SPATA31H1: variants seen among roughly 807,000 people sequenced by gnomAD.
SPATA31H1 encodes spermatogenesis-associated protein 31H1.
the SPATA31H1 span, chr2:27,579,696 G>A: frequency 6.2e-7 from 1 of 1,614,172 alleles, no homozygotes; most frequent in Admixed American, 1.7e-5. Context: ...CGATAGAGAA[G>A]ATCTTGTTCC....
chr2:27,577,418 G>C, the SPATA31H1 span: 1 of 1,614,050 alleles, frequency 6.2e-7, no homozygotes, highest in East Asian at 2.2e-5. The surrounding 1 kb of genome is among the most constrained non-coding windows in gnomAD (Gnocchi z 4.5). Flanking sequence ...TGACCGCTGA[G>C]GCAAGGATAC....
At chr2:27,559,567 T>C in the SPATA31H1 span, among the ~76,000 whole-genome samples, 1 of 152,244 alleles carries the variant, frequency 6.6e-6, no homozygotes, top group South Asian at 2.1e-4. Context: ...AAACCATTAC[T>C]ATAAATTGAA....
At chr2:27,567,565 A>G in the SPATA31H1 span, 1 of 402,844 alleles carries the variant, frequency 2.5e-6, no homozygotes, top group Non-Finnish European at 4.4e-6. Context: ...CTTATCTCAG[A>G]TAAGCAGTTA....
the SPATA31H1 span, among the ~76,000 whole-genome samples, chr2:27,559,808 ATAAC>A: frequency 6.6e-6 from 1 of 152,094 alleles, no homozygotes; most frequent in Non-Finnish European, 1.5e-5. Flanking sequence ...AATCTGCTAG[ATAAC>A]TTTTTATGGG....
At chr2:27,582,026 G>T in the SPATA31H1 span, 2 of 1,600,408 alleles carry the variant, frequency 1.2e-6, no homozygotes, top group Non-Finnish European at 1.7e-6. Context: ...ACAGTCTCTT[G>T]GAGAGGAGCC....
the SPATA31H1 span, among the ~76,000 whole-genome samples, chr2:27,549,402 A>G: frequency 6.6e-6 from 1 of 151,770 alleles, no homozygotes; most frequent in Non-Finnish European, 1.5e-5. Context: ...GCAGTGGCAC[A>G]ATCATAGTCA....
At chr2:27,552,933 GT>G in the SPATA31H1 span, among the ~76,000 whole-genome samples, 1 of 152,048 alleles carries the variant, frequency 6.6e-6, no homozygotes, top group Admixed American at 6.6e-5. Flanking sequence ...TGTGAACACA[GT>G]TTTACTTGTT....
the SPATA31H1 span, among the ~76,000 whole-genome samples, chr2:27,555,072 G>A: frequency 6.6e-6 from 1 of 151,936 alleles, no homozygotes; most frequent in African/African-American, 2.4e-5. Flanking sequence ...TTCTATTCCT[G>A]TTTGGTTGAG....
the SPATA31H1 span, chr2:27,582,295 C>T: frequency 1.2e-6 from 2 of 1,610,002 alleles, no homozygotes; most frequent in South Asian, 2.2e-5. Context: ...TGTGAGAGAA[C>T]CCGTCACAGT....
chr2:27,544,529 A>ATTTTT, the SPATA31H1 span, among the ~76,000 whole-genome samples: 8 of 125,104 alleles, frequency 6.4e-5, no homozygotes, highest in Non-Finnish European at 6.5e-5. Context: ...GTTGACAACA[A>ATTTTT]TTTTTTTTTT....
the SPATA31H1 span, among the ~76,000 whole-genome samples, chr2:27,544,617 C>T: frequency 7.4e-6 from 1 of 135,964 alleles, no homozygotes; most frequent in Admixed American, 8.7e-5. Flanking sequence ...TCGCTGCAGC[C>T]TCTGCCTCCC....
the SPATA31H1 span, among the ~76,000 whole-genome samples, chr2:27,563,385 C>CTTTTTTTTTT: frequency 6.7e-4 from 46 of 68,730 alleles, 9 homozygotes; most frequent in East Asian, 3.0e-3. Context: ...TCTTCTACTT[C>CTTTTTTTTTT]TTTTTTTTTT....
chr2:27,581,761 CAG>C, the SPATA31H1 span: 1 of 1,613,122 alleles, frequency 6.2e-7, no homozygotes, highest in East Asian at 2.2e-5. Context: ...CGCAGTCCCT[CAG>C]AGAGAAGCCA....
the SPATA31H1 span, chr2:27,572,531 G>A: frequency 1.0e-5 from 4 of 398,364 alleles, no homozygotes; most frequent in East Asian, 1.4e-4. Flanking sequence ...GGCCACAGTT[G>A]CAGTGTGTAA....
At chr2:27,578,530 C>T in the SPATA31H1 span, 1 of 1,614,000 alleles carries the variant, frequency 6.2e-7, no homozygotes, top group Non-Finnish European at 8.5e-7. Flanking sequence ...ACTCCAAGTC[C>T]ATGTACTCAA....
At chr2:27,580,703 C>T in the SPATA31H1 span, 28 of 1,614,180 alleles carry the variant, frequency 1.7e-5, no homozygotes, top group Admixed American at 5.0e-5. Context: ...AGCCTGTGGA[C>T]GGGACAAGGC....
At chr2:27,559,919 G>C in the SPATA31H1 span, among the ~76,000 whole-genome samples, 7 of 151,272 alleles carry the variant, frequency 4.6e-5, no homozygotes, top group East Asian at 1.4e-3. Flanking sequence ...CCAGGCTGGA[G>C]GGCAGTGGCG....
At chr2:27,582,554 GTCCTAAGTCTTCATCGTGCTGC>G in the SPATA31H1 span, 1 of 1,547,294 alleles carries the variant, frequency 6.5e-7, no homozygotes, top group Non-Finnish European at 8.7e-7. Context: ...ATTATTCATT[GTCCTAAGTCTTCATCGTGCTGC>G]CCTTTCCAGG....
the SPATA31H1 span, among the ~76,000 whole-genome samples, chr2:27,546,258 G>T: frequency 1.3e-5 from 2 of 151,920 alleles, no homozygotes; most frequent in Admixed American, 1.3e-4. Flanking sequence ...CCCAGTGCAA[G>T]AAACCTTTGC....
Sources: allele counts gnomAD v4.1 joint callset (sites outside exome capture counted in the v4.1 genomes callset), GRCh38; gene constraint gnomAD v4.1.1; non-coding constraint Gnocchi (gnomAD v3.1); transcripts MANE v1.5; gene names NCBI Gene and HGNC (gene_info 2026-07-23, HGNC 2026-07-21).